CATSPERB: variants seen among roughly 807,000 people sequenced by gnomAD.
The protein encoded by CATSPERB is cation channel sperm-associated auxiliary subunit beta.
Under a neutral mutation model 128.3 loss-of-function variants are expected in CATSPERB, and 93 were observed. The observed-to-expected ratio is 0.72, with a 90% CI of 0.61 to 0.86. The LOEUF is 0.86. Among genes scored for constraint, CATSPERB ranks in the 40% least tolerant of loss-of-function variants. CATSPERB has a pLI of 0.00. For missense variants in CATSPERB, 1,153 were observed against 1,329.5 expected, an observed-to-expected ratio of 0.87 and a Z score of 2.06; for synonymous variants, 381 against 448.8, an observed-to-expected ratio of 0.85 and a Z score of 1.91.
In CATSPERB at chr14:91,591,953, C is replaced by T; in HGVS notation, c.2759G>A (p.Cys920Tyr). The change falls in exon 23 of 27, where the codon TGT becomes TAT. Residue 920 changes from cysteine (C) to tyrosine (Y), a missense_variant. Transcript: ENST00000256343. ...AAACTTCTGATCCTTTGTGCAGTTA[C>T]ACTCCTCCCGAGTGGAAACATTAGC... ...QCANVSTREE[C>Y]NCTKDQKFSH... 6.2e-7 allele frequency: 1 copy of T among 1,614,058 alleles called. No individual in the cohort carries two copies. Among genetic ancestry groups the T allele is most frequent in the Non-Finnish European group, 8.5e-7 (1 of 1,179,972 alleles).
At position 91,617,613 on chromosome 14, in the gene CATSPERB, C is replaced by G. The variant is rs773755393; in HGVS notation, c.2384G>C (p.Ser795Thr). The G allele has an allele frequency of 5.1e-6, 8 of 1,578,636 alleles. No homozygotes were observed. In the South Asian group the frequency reaches 8.4e-5, roughly 17 times the overall value. The change falls in exon 20 of 27, where the codon AGC becomes ACC. Residue 795 changes from serine (S) to threonine (T), a missense_variant. Coordinates refer to ENST00000256343, the MANE Select transcript of CATSPERB (RefSeq NM_024764.4). ...AAATCCTACCTGATGTAAAACTTTGCTAGCTGCAGAAATTGTTATTACATA... is the reference window on the plus strand; with the variant it reads ...AAATCCTACCTGATGTAAAACTTTGGTAGCTGCAGAAATTGTTATTACATA... The part of the protein sequence containing the change: ...DSYVITISAA[S>T]KVLHQGSTSL...
chr14:91,724,336 T>C (rs1896084683), intron 3 of CATSPERB, among the ~76,000 whole-genome samples: 1 of 152,124 alleles, frequency 6.6e-6, no homozygotes, highest in South Asian at 2.1e-4. Flanking sequence ...ACTTTTTCCA[T>C]AACATATAAC....
intron 7 of CATSPERB, among the ~76,000 whole-genome samples, chr14:91,701,903 C>T (rs574068695): frequency 1.4e-3 from 95 of 69,798 alleles, no homozygotes; most frequent in African/African-American, 4.8e-3. Flanking sequence ...AGAGAGAGAC[C>T]CTGTCTCAAA....
intron 11 of CATSPERB, among the ~76,000 whole-genome samples, chr14:91,680,485 G>C (rs1052618095): frequency 3.3e-5 from 5 of 152,146 alleles, no homozygotes; most frequent in African/African-American, 1.2e-4. Flanking sequence ...ATATACATAA[G>C]TCAATTTTAT....
At chr14:91,731,560 C>T (rs183965419) in intron 1 of CATSPERB, among the ~76,000 whole-genome samples, 158 of 152,310 alleles carry the variant, frequency 1.0e-3, no homozygotes, top group African/African-American at 3.7e-3. Context: ...TACCTTAAAA[C>T]ATCTAACATA....
intron 7 of CATSPERB, among the ~76,000 whole-genome samples, chr14:91,698,516 G>A (rs771888911): frequency 1.3e-5 from 2 of 152,080 alleles, no homozygotes; most frequent in Non-Finnish European, 2.9e-5. Flanking sequence ...TCAGTATAAT[G>A]TTATCTGTGT....
chr14:91,670,086 A>T, intron 13 of CATSPERB, 114 bp from the exon 14 acceptor site: 1 of 906,522 alleles, frequency 1.1e-6, no homozygotes, highest in South Asian at 1.5e-5. Context: ...CACAACATAG[A>T]ACTAGAAGGA....
intron 15 of CATSPERB, among the ~76,000 whole-genome samples, chr14:91,654,094 G>T (rs564687180): frequency 2.4e-4 from 36 of 152,332 alleles, no homozygotes; most frequent in Admixed American, 8.5e-4. Context: ...GGAGGTGGGT[G>T]AGTAGAGGAG....
intron 19 of CATSPERB, among the ~76,000 whole-genome samples, chr14:91,618,783 GT>G (rs1893990286): frequency 1.3e-5 from 2 of 152,208 alleles, no homozygotes; most frequent in Admixed American, 6.5e-5. Flanking sequence ...ATAAACCAGA[GT>G]TTATAAACAC....
chr14:91,661,315 T>C (rs1045762032), intron 14 of CATSPERB, among the ~76,000 whole-genome samples: 2 of 152,076 alleles, frequency 1.3e-5, no homozygotes, highest in African/African-American at 4.8e-5. Context: ...TCTTCTACAC[T>C]GTCCTATAGT....
rs1299512726 is a variant in CATSPERB at position 91,581,069 on chromosome 14, G to A, written c.3171C>T (p.His1057=). Residue 1057 remains histidine, a synonymous_variant, in exon 27 of 27, where the codon CAC becomes CAT. Coordinates refer to ENST00000256343, the MANE Select transcript of CATSPERB (RefSeq NM_024764.4). ...CCGCTGTTGCCACGGCAATAAGCGT[G>A]TGTCCTGGGAATGGCAATGGTGCCT... The part of the protein sequence containing the change: ...VDEAPLPFPG[H]TLIAVATAVV... 6.2e-6 allele frequency: 10 copies of A among 1,614,070 alleles called. No individual in the cohort carries two copies. The highest frequency in any genetic ancestry group is 8.5e-6 in the Non-Finnish European group (10 of 1,180,020).
Position 91,589,596 on chromosome 14 carries a change from G to A in CATSPERB, c.2894C>T (p.Pro965Leu). ...AGTAACCAGATATGGAGATTGCAATGGGACACGTCCATCCTCGTTGATAAT... is the reference window on the plus strand; with the variant it reads ...AGTAACCAGATATGGAGATTGCAATAGGACACGTCCATCCTCGTTGATAAT... ...LEIINEDGRV[P>L]LQSPYLVTVT... The change falls in exon 24 of 27, where the codon CCA (proline) becomes CTA (leucine). Residue 965 changes from proline (P) to leucine (L), a missense_variant. Physicochemically the swap from Pro to Leu is moderately conservative, Grantham distance 98 (BLOSUM62 -3). Coordinates refer to ENST00000256343, the MANE Select transcript of CATSPERB (RefSeq NM_024764.4). The A allele has an allele frequency of 6.2e-7, 1 of 1,613,724 alleles. No individual in the cohort carries two copies. The highest frequency in any genetic ancestry group is 8.5e-7 in the Non-Finnish European group (1 of 1,179,650).
At chr14:91,586,479 A>G (rs980490578) in intron 26 of CATSPERB, among the ~76,000 whole-genome samples, 7 of 151,232 alleles carry the variant, frequency 4.6e-5, no homozygotes, top group Admixed American at 3.3e-4. Context: ...CACTGCTGCA[A>G]TGGCCACCCA....
intron 14 of CATSPERB, among the ~76,000 whole-genome samples, chr14:91,668,898 A>G (rs1486008155): frequency 6.6e-6 from 1 of 152,232 alleles, no homozygotes; most frequent in African/African-American, 2.4e-5. Context: ...TGTAACACTC[A>G]CCGCGAGGGT....
intron 22 of CATSPERB, among the ~76,000 whole-genome samples, chr14:91,599,283 G>A (rs888806021): frequency 5.9e-5 from 9 of 152,228 alleles, no homozygotes; most frequent in Admixed American, 5.2e-4. Context: ...TTTGCCGGCC[G>A]GGCACGATGG....
At chr14:91,608,444 T>C (rs1477568526) in intron 21 of CATSPERB, 40 bp from the exon 22 acceptor site, 1 of 1,158,586 alleles carries the variant, frequency 8.6e-7, no homozygotes, top group Non-Finnish European at 1.3e-6. Flanking sequence ...AATTCATTAT[T>C]ATGAAGTCTT....
At chr14:91,620,184 T>C (rs1285632) in intron 19 of CATSPERB, among the ~76,000 whole-genome samples, 112,758 of 152,052 alleles carry the variant, frequency 0.74, 42,393 homozygotes, top group East Asian at 0.97. Flanking sequence ...CTCCCCATTC[T>C]AAGCCCATGC....
At chr14:91,707,988 G>A (rs920602567) in intron 6 of CATSPERB, among the ~76,000 whole-genome samples, 153 bp downstream of exon 6, 1 of 151,972 alleles carries the variant, frequency 6.6e-6, no homozygotes, top group African/African-American at 2.4e-5. Context: ...TATCCTATCA[G>A]ATTGTGAGTG....
intron 17 of CATSPERB, among the ~76,000 whole-genome samples, chr14:91,629,795 T>G (rs935507234): frequency 1.4e-4 from 22 of 152,178 alleles, no homozygotes; most frequent in African/African-American, 5.3e-4. Context: ...CTTCCTACTA[T>G]TGCACATGGG....
Sources: allele counts gnomAD v4.1 joint callset (sites outside exome capture counted in the v4.1 genomes callset), GRCh38; gene constraint gnomAD v4.1.1; transcripts MANE v1.5; gene names NCBI Gene and HGNC (gene_info 2026-07-23, HGNC 2026-07-21).